Variants in ACRV1 observed in about 807,000 individuals in gnomAD.
ACRV1 encodes the protein acrosomal vesicle protein 1.
ACRV1 carries 17 observed loss-of-function variants against 29.2 expected under a neutral mutation model. The observed-to-expected ratio is 0.58, with a 90% CI of 0.40 to 0.87. The LOEUF (loss-of-function observed/expected upper bound fraction) is 0.87. ACRV1 is among the 40% of genes least tolerant of loss of function. The pLI is 0.00. For missense variants in ACRV1, 294 were observed against 316.0 expected (o/e 0.93, Z 0.53); for synonymous variants, 98 against 111.6 (o/e 0.88, Z 0.77).
Position 125,676,048 on chromosome 11 carries a change from C to T in ACRV1, c.673+311G>A. 5 of 229,364 alleles carry T rather than the reference C, an allele frequency of 2.2e-5. No individual in the cohort carries two copies. The South Asian group carries it at 4.1e-4, about 19-fold the overall frequency. 14.2% of individuals were successfully genotyped at this position (229,364 alleles called of 1,614,324 possible). A position where few individuals can be genotyped will look rare whatever the true frequency, so the allele number is the denominator to read the frequency against. ...TCAGCCTTCCAAGTAGCTGGGATTA[C>T]AGGTGCCCACCACCACACCTGGCTA... On this transcript the variant is annotated intron_variant, in intron 3 of 3. Coordinates refer to ENST00000533904, the MANE Select transcript of ACRV1 (RefSeq NM_001612.6).
intron 3 of ACRV1, chr11:125,676,001 G>T (rs1378470658): frequency 4.0e-4 from 74 of 185,562 alleles, no homozygotes; most frequent in Non-Finnish European, 3.4e-5. Context: ...TCCGTCTCCT[G>T]GGTTCAAGCG....
intron 3 of ACRV1, among the ~76,000 whole-genome samples, chr11:125,675,683 A>G (rs1209842199): frequency 5.9e-5 from 9 of 152,134 alleles, no homozygotes; most frequent in African/African-American, 1.2e-4. Flanking sequence ...TATCCATTCA[A>G]TATTTACTAA....
At chr11:125,674,412 G>A (rs1463808996) in intron 3 of ACRV1, among the ~76,000 whole-genome samples, 1 of 152,208 alleles carries the variant, frequency 6.6e-6, no homozygotes, top group Non-Finnish European at 1.5e-5. Flanking sequence ...AGAAAGGAAA[G>A]AGGATAATTT....
At chr11:125,676,525 G>A (rs779126079) in intron 2 of ACRV1, 47 bp from the exon 3 acceptor site, 127 of 1,610,606 alleles carry the variant, frequency 7.9e-5, no homozygotes, top group Non-Finnish European at 1.1e-4. Context: ...TGGACCAGAT[G>A]TGTAGCCTTG....
chr11:125,678,096 G>A lies in ACRV1; in HGVS notation c.254C>T (p.Ser85Phe), dbSNP rs1386027045. 2.5e-6 allele frequency: 4 copies of A among 1,614,108 alleles called. No individual in the cohort carries two copies. The East Asian group carries it at 8.9e-5, about 36-fold the overall frequency. ...SSKHTVAEHT[S>F]GEHAESEHAS... ...ATGCTCACTCTCAGCATGTTCTCCA[G>A]AAGTGTGCTCGGCCACAGTGTGCTT... The change falls in exon 2 of 4, where the codon TCT becomes TTT. Residue 85 changes from serine to phenylalanine, a missense_variant. By Grantham distance (155) the Ser-to-Phe change is radical. Coordinates refer to ENST00000533904, the MANE Select transcript of ACRV1 (RefSeq NM_001612.6).
chr11:125,680,406 A>T (rs1942742577), intron 1 of ACRV1, among the ~76,000 whole-genome samples: 1 of 152,172 alleles, frequency 6.6e-6, no homozygotes, highest in Non-Finnish European at 1.5e-5. Flanking sequence ...CTCACATTTA[A>T]TTGGTGGGAC....
At position 125,672,621 on chromosome 11, in the gene ACRV1, C is replaced by T. The variant is rs768673984; in HGVS notation, c.770G>A (p.Arg257Gln). The T allele has an allele frequency of 2.4e-5, 39 of 1,613,938 alleles. No homozygotes were observed. The highest frequency in any genetic ancestry group is 2.8e-5 in the Non-Finnish European group (33 of 1,180,022). ...GATCTTATTGCAGAAAGATTGATTT[C>T]GACAGCATATAATTTGCATCCTCGT... ...HGTRMQIICC[R>Q]NQSFCNKI The change falls in exon 4 of 4, where the codon CGA becomes CAA. Residue 257 changes from arginine (R) to glutamine (Q), a missense_variant. Transcript: ENST00000533904.
At position 125,680,814 on chromosome 11, in the gene ACRV1, G is replaced by T. The variant is rs372351446; in HGVS notation, c.-34C>A. 11 of 1,579,936 alleles carry T rather than the reference G, an allele frequency of 7.0e-6. No homozygotes were observed. The East Asian group carries it at 1.1e-4, about 16-fold the overall frequency. ...AGGAAAAGAGGGGACCCCAGTGTGGGCCACAGCTTCTTCACAGAGCTATGA... is the reference window on the plus strand; with the variant it reads ...AGGAAAAGAGGGGACCCCAGTGTGGTCCACAGCTTCTTCACAGAGCTATGA... On this transcript the variant is annotated 5_prime_UTR_variant, in exon 1 of 4. Transcript: ENST00000533904.
rs1942584774 is a variant in ACRV1 at position 125,677,803 on chromosome 11, A to C, written c.547T>G (p.Ser183Ala). The change falls in exon 2 of 4, where the codon TCT (serine) becomes GCT (alanine). Residue 183 changes from serine to alanine, a missense_variant. Transcript: ENST00000533904. Reference sequence around the variant, plus strand: ...CCATCCAAACATGGCTCACCTGTAGATGTGCTTGAAATTGGTGCACCTGAA... The same window carrying C: ...CCATCCAAACATGGCTCACCTGTAGCTGTGCTTGAAATTGGTGCACCTGAA... ...QASGAPISST[S>A]TGTILNCYTC... The C allele has an allele frequency of 6.2e-7, 1 of 1,614,080 alleles. No individual in the cohort carries two copies. Among genetic ancestry groups the C allele is most frequent in the African/African-American group, 1.3e-5 (1 of 75,020 alleles).
intron 2 of ACRV1, among the ~76,000 whole-genome samples, chr11:125,677,302 G>A (rs964596894): frequency 2.0e-5 from 3 of 152,156 alleles, no homozygotes; most frequent in Non-Finnish European, 4.4e-5. Context: ...ACTAGCAGTT[G>A]TCCTAGGAAC....
chr11:125,676,911 C>T (rs1026250622), intron 2 of ACRV1, among the ~76,000 whole-genome samples: 1 of 151,644 alleles, frequency 6.6e-6, no homozygotes, highest in African/African-American at 2.4e-5. Flanking sequence ...AATGCTCTAA[C>T]ATTGCAAACC....
intron 3 of ACRV1, among the ~76,000 whole-genome samples, chr11:125,675,028 C>T (rs868858623): frequency 6.5e-4 from 99 of 152,212 alleles, no homozygotes; most frequent in African/African-American, 4.8e-4. Context: ...AAATCAGTAT[C>T]TCTTTAATCT....
intron 3 of ACRV1, 59 bp downstream of exon 3, chr11:125,676,300 T>C: frequency 1.9e-6 from 3 of 1,597,880 alleles, no homozygotes; most frequent in Non-Finnish European, 2.6e-6. Flanking sequence ...AACTGCCCCC[T>C]ACCAGAAGTA....
Position 125,671,537 on chromosome 11 carries a change from T to C in ACRV1, c.*1056A>G, listed in dbSNP as rs1012568936. On this transcript the variant is annotated 3_prime_UTR_variant, in exon 4 of 4. Coordinates refer to ENST00000533904, the MANE Select transcript of ACRV1 (RefSeq NM_001612.6). Reference sequence around the variant, plus strand: ...GGGAAGGGGTCATGATGTGTATATATGTTGAAATTTTAAATTTTATATACA... The same window carrying C: ...GGGAAGGGGTCATGATGTGTATATACGTTGAAATTTTAAATTTTATATACA... 1 of 152,192 alleles carries C rather than the reference T, an allele frequency of 6.6e-6. No homozygotes were observed. The highest frequency in any genetic ancestry group is 2.4e-5 in the African/African-American group (1 of 41,456). The allele number at this position is 152,192 out of a possible 1,614,324, so 9.4% of individuals were successfully genotyped here.
rs984271870 is a variant in ACRV1 at position 125,671,630 on chromosome 11, T to G, written c.*963A>C. 6.6e-6 allele frequency: 1 copy of G among 152,250 alleles called. No homozygotes were observed. 9.4% of individuals were successfully genotyped at this position (152,250 alleles called of 1,614,324 possible). ...ACCATTCTGGCTACTTTCATTGTGG[T>G]GGAAACAGCTCAGATTTAGATCTTG... On this transcript the variant is annotated 3_prime_UTR_variant, in exon 4 of 4. Transcript: ENST00000533904.
chr11:125,678,978 T>TTATATA (rs10522682), intron 1 of ACRV1, among the ~76,000 whole-genome samples: 3,364 of 88,374 alleles, frequency 0.038, 305 homozygotes, highest in East Asian at 0.15. Context: ...TCTAGGCATA[T>TTATATA]TATATATATA....
intron 3 of ACRV1, among the ~76,000 whole-genome samples, chr11:125,675,570 T>G (rs1942463582): frequency 6.6e-6 from 1 of 152,134 alleles, no homozygotes; most frequent in Non-Finnish European, 1.5e-5. Context: ...ATCCCTTATT[T>G]TAGGGATGAG....
chr11:125,678,077 ACT>A lies in ACRV1; in HGVS notation c.271_272del (p.Ser91Ter), dbSNP rs765567511. ...AEHTSGEHAE[S>X]EHASGEPAAT... The stretch of plus-strand genomic sequence containing the variant: ...CAGCGGGCTCACCTGAAGCATGCTC[ACT>A]CTCAGCATGTTCTCCAGAAGTGTGC... On this transcript the variant is annotated frameshift_variant, in exon 2 of 4. Transcript: ENST00000533904. LOFTEE classifies it high-confidence loss of function. 3 of 1,614,074 alleles carry A rather than the reference ACT, an allele frequency of 1.9e-6. No individual in the cohort carries two copies. Among genetic ancestry groups the A allele is most frequent in the Admixed American group, 3.3e-5 (2 of 60,000 alleles).
chr11:125,673,310 T>G lies in ACRV1; in HGVS notation c.674-593A>C, dbSNP rs369561129. On this transcript the variant is annotated intron_variant, in intron 3 of 3. Coordinates refer to ENST00000533904, the MANE Select transcript of ACRV1 (RefSeq NM_001612.6). ...GCCTCCACCTCCCAGGTTCAAGCGATTGTCCTCCCTCAGCCTCCTGAGTAG... is the reference window on the plus strand; with the variant it reads ...GCCTCCACCTCCCAGGTTCAAGCGAGTGTCCTCCCTCAGCCTCCTGAGTAG... 2.2e-4 allele frequency among the ~76,000 whole-genome samples: 33 copies of G among 151,972 alleles called. No homozygotes were observed. The East Asian group carries it at 5.2e-3, about 24-fold the overall frequency.
Sources: allele counts gnomAD v4.1 joint callset (sites outside exome capture counted in the v4.1 genomes callset), GRCh38; gene constraint gnomAD v4.1.1; transcripts MANE v1.5; gene names NCBI Gene and HGNC (gene_info 2026-07-23, HGNC 2026-07-21).